The following CMSS1 variants were observed in gnomAD, a reference collection of about 807,000 sequenced individuals.
CMSS1 encodes the protein protein CMSS1.
In CMSS1, 33 loss-of-function variants were observed where a neutral mutation model predicts 43.5. The observed-to-expected ratio is 0.76, with a 90% confidence interval of 0.57 to 1.01. CMSS1 has a LOEUF of 1.01. Ranked by LOEUF, CMSS1 falls within the 50% of genes least tolerant of loss-of-function variation. CMSS1 has a pLI of 0.00. For missense variants in CMSS1, 313 were observed against 326.4 expected (o/e 0.96, Z 0.32); for synonymous variants, 115 against 117.2 (o/e 0.98, Z 0.12).
At chr3:100,070,975 T>C (rs2065751469) in intron 1 of CMSS1, among the ~76,000 whole-genome samples, 1 of 152,190 alleles carries the variant, frequency 6.6e-6, no homozygotes, top group Non-Finnish European at 1.5e-5. Context: ...ATTCTCACTA[T>C]GTAATGCCCT....
chr3:100,092,950 A>G (rs999105275), intron 1 of CMSS1, among the ~76,000 whole-genome samples: 23 of 151,922 alleles, frequency 1.5e-4, no homozygotes, highest in African/African-American at 5.6e-4. Context: ...TCCTGGATAC[A>G]CATAACTCTC....
At chr3:100,076,143 C>A (rs2065846853) in intron 1 of CMSS1, among the ~76,000 whole-genome samples, 1 of 152,184 alleles carries the variant, frequency 6.6e-6, no homozygotes, top group Non-Finnish European at 1.5e-5. Context: ...TGTTAGTTAT[C>A]TTGCCCGGAA....
intron 1 of CMSS1, among the ~76,000 whole-genome samples, chr3:99,959,588 A>C (rs972241968): frequency 1.3e-5 from 2 of 152,218 alleles, no homozygotes; most frequent in African/African-American, 4.8e-5. Flanking sequence ...CCACGTGTAT[A>C]ATTTCTTTAG....
intron 1 of CMSS1, among the ~76,000 whole-genome samples, chr3:100,103,413 A>G (rs889129425): frequency 6.6e-6 from 1 of 152,230 alleles, no homozygotes; most frequent in Admixed American, 6.5e-5. Flanking sequence ...ATGAAAGCAA[A>G]CTAGTGTTGG....
chr3:99,983,478 A>ATG (rs1265189911), intron 1 of CMSS1, among the ~76,000 whole-genome samples: 6 of 22,144 alleles, frequency 2.7e-4, no homozygotes, highest in African/African-American at 4.4e-4. Flanking sequence ...ATATATATAT[A>ATG]TATATATATA....
chr3:99,949,354 A>C (rs1708109068), intron 1 of CMSS1, among the ~76,000 whole-genome samples: 1 of 152,210 alleles, frequency 6.6e-6, no homozygotes, highest in Non-Finnish European at 1.5e-5. Flanking sequence ...ATAGTTGGCA[A>C]CTGGCTTCTT....
intron 1 of CMSS1, among the ~76,000 whole-genome samples, chr3:100,014,978 A>G (rs1208650067): frequency 2.2e-5 from 3 of 139,390 alleles, no homozygotes; most frequent in African/African-American, 8.1e-5. Context: ...ACCAATATCA[A>G]GAAGCTTTTT....
intron 1 of CMSS1, among the ~76,000 whole-genome samples, chr3:99,937,055 A>G (rs1001180393): frequency 6.6e-6 from 1 of 152,068 alleles, no homozygotes; most frequent in African/African-American, 2.4e-5. Context: ...TTCCTGCCTC[A>G]GCCTCCCAAG....
chr3:99,900,562 C>A (rs760870993), intron 1 of CMSS1, among the ~76,000 whole-genome samples: 1 of 152,146 alleles, frequency 6.6e-6, no homozygotes, highest in East Asian at 1.9e-4. Flanking sequence ...ATACCTTTAG[C>A]CCTATGTTAT....
intron 1 of CMSS1, among the ~76,000 whole-genome samples, chr3:99,985,017 T>G (rs2107740130): frequency 6.6e-6 from 1 of 152,262 alleles, no homozygotes; most frequent in African/African-American, 2.4e-5. Context: ...CTTAAAGGGG[T>G]TGCCGTGAGG....
chr3:100,093,388 A>C (rs1014795609), intron 1 of CMSS1, among the ~76,000 whole-genome samples: 68 of 152,256 alleles, frequency 4.5e-4, no homozygotes, highest in African/African-American at 1.5e-3. Context: ...ATTTTGATAC[A>C]TATTTTTTCT....
intron 1 of CMSS1, among the ~76,000 whole-genome samples, chr3:99,836,489 A>G (rs1942900569): frequency 1.3e-5 from 2 of 152,190 alleles, no homozygotes; most frequent in East Asian, 3.8e-4. Context: ...ATCGTGGTAG[A>G]GAAATTGTTG....
At chr3:100,030,858 G>A (rs892324937) in intron 1 of CMSS1, among the ~76,000 whole-genome samples, 4 of 152,134 alleles carry the variant, frequency 2.6e-5, no homozygotes, top group Admixed American at 6.6e-5. Flanking sequence ...GGTTTTTAAA[G>A]TGCACTGTGG....
intron 1 of CMSS1, among the ~76,000 whole-genome samples, chr3:100,139,463 C>G (rs1391177843): frequency 2.7e-5 from 4 of 148,854 alleles, no homozygotes; most frequent in Non-Finnish European, 5.9e-5. Context: ...GAGTGGATAA[C>G]CTGAGGTCAG....
chr3:99,883,061 C>G (rs1212849137), intron 1 of CMSS1, among the ~76,000 whole-genome samples: 1 of 152,118 alleles, frequency 6.6e-6, no homozygotes, highest in Non-Finnish European at 1.5e-5. Context: ...ACTAAGCATC[C>G]AGTCTACATC....
At chr3:99,959,616 T>C (rs1708435393) in intron 1 of CMSS1, among the ~76,000 whole-genome samples, 1 of 152,218 alleles carries the variant, frequency 6.6e-6, no homozygotes, top group Non-Finnish European at 1.5e-5. Context: ...ATAAATTGAA[T>C]TTAGTAATCT....
chr3:99,930,561 A>G (rs575661418), intron 1 of CMSS1, among the ~76,000 whole-genome samples: 2 of 152,346 alleles, frequency 1.3e-5, no homozygotes, highest in African/African-American at 4.8e-5. Context: ...CTGTATGCCA[A>G]TCACATGTCA....
At chr3:100,144,780 A>G (rs909826563) in intron 1 of CMSS1, among the ~76,000 whole-genome samples, 5 of 152,192 alleles carry the variant, frequency 3.3e-5, no homozygotes, top group Admixed American at 2.6e-4. Context: ...GTTGGCTTCC[A>G]TTGGCATTTC....
intron 1 of CMSS1, among the ~76,000 whole-genome samples, chr3:99,984,112 G>T (rs1290113633): frequency 6.8e-6 from 1 of 146,938 alleles, no homozygotes; most frequent in Non-Finnish European, 1.5e-5. Flanking sequence ...CAGGTGCTCA[G>T]GTATGAAATA....
Sources: allele counts gnomAD v4.1 joint callset (sites outside exome capture counted in the v4.1 genomes callset), GRCh38; gene constraint gnomAD v4.1.1; transcripts MANE v1.5; gene names NCBI Gene and HGNC (gene_info 2026-07-23, HGNC 2026-07-21).